RSRP1: variants seen among roughly 807,000 people sequenced by gnomAD.
RSRP1 encodes arginine/serine-rich protein 1.
RSRP1 carries 37 observed loss-of-function variants against 33.0 expected under a neutral mutation model. The observed-to-expected ratio is 1.12, with a 90% confidence interval of 0.86 to 1.48. The LOEUF is 1.48. Among genes scored for constraint, RSRP1 ranks in the 40% most tolerant of loss-of-function variants. RSRP1 has a pLI of 0.00. For synonymous variants in RSRP1, 167 were observed against 158.7 expected (o/e 1.05, Z -0.40); for missense variants, 402 against 385.3 (o/e 1.04, Z -0.36).
In RSRP1 at chr1:25,311,511, C is replaced by G. The variant is rs547012124; in HGVS notation, c.-67+26467G>C. On this transcript the variant is annotated intron_variant, in intron 1 of 1. Coordinates refer to the RSRP1 transcript ENST00000561867. ...CTGCACTCCAGCCTGGGCGACAGAG[C>G]AAAACTCCGTCTCAAAAAGAAAAAA... Among the ~76,000 whole-genome samples the G allele has an allele frequency of 3.3e-4, 42 of 127,064 alleles. 9 individuals carry two copies. Among genetic ancestry groups the G allele is most frequent in the Non-Finnish European group, 2.4e-4 (13 of 53,792 alleles). The allele number at this position is 127,064 out of a possible 152,430, so 83.4% of individuals were successfully genotyped here. A position where few individuals can be genotyped will look rare whatever the true frequency, so the allele number is the denominator to read the frequency against.
At chr1:25,261,400 TTCTTTC>T (rs1640142067) in intron 1 of RSRP1, among the ~76,000 whole-genome samples, 3 of 151,362 alleles carry the variant, frequency 2.0e-5, no homozygotes, top group South Asian at 4.2e-4. Context: ...AAAATGTGAT[TTCTTTC>T]TTTTTTTTTT....
intron 1 of RSRP1, chr1:25,253,534 T>C (rs554650225): frequency 6.6e-6 from 1 of 152,276 alleles, no homozygotes; most frequent in South Asian, 2.1e-4. Context: ...GCTAATTTTG[T>C]ATTTTTAGTA....
In RSRP1 at chr1:25,312,920, T is replaced by TA. The variant is rs58027687; in HGVS notation, c.-67+25057dup. On this transcript the variant is annotated intron_variant, in intron 1 of 1. Coordinates refer to the RSRP1 transcript ENST00000561867. ...GGATGATAGAGCAAAATCCCATCTC[T>TA]AAAAAAAAAAAAAAAAAAAAAAAAA... 3.6e-3 allele frequency among the ~76,000 whole-genome samples: 25 copies of TA among 6,856 alleles called. 7 individuals carry two copies. Among genetic ancestry groups the TA allele is most frequent in the South Asian group, 5.4e-3 (1 of 184 alleles). The allele number at this position is 6,856 out of a possible 152,430, so 4.5% of individuals were successfully genotyped here.
chr1:25,242,994 G>A (rs1372325608), intron 4 of RSRP1, among the ~76,000 whole-genome samples: 15 of 152,122 alleles, frequency 9.9e-5, no homozygotes. Context: ...GGAGGCTGAG[G>A]CAGGAGAATC....
At chr1:25,289,044 C>T (rs1367481970) in intron 1 of RSRP1, among the ~76,000 whole-genome samples, 1 of 133,666 alleles carries the variant, frequency 7.5e-6, no homozygotes, top group African/African-American at 2.6e-5. Flanking sequence ...GACTTCAGAG[C>T]ACAGGCTTTG....
At chr1:25,287,880 GCCCT>G (rs1387762555) in intron 1 of RSRP1, among the ~76,000 whole-genome samples, 3 of 126,238 alleles carry the variant, frequency 2.4e-5, no homozygotes, top group African/African-American at 7.9e-5. Flanking sequence ...CTGCTACCAT[GCCCT>G]GCTAATTTTT....
intron 1 of RSRP1, among the ~76,000 whole-genome samples, chr1:25,310,211 A>G (rs1252925130): frequency 7.5e-6 from 1 of 133,090 alleles, no homozygotes; most frequent in African/African-American, 2.5e-5. Context: ...CCCAAATTTC[A>G]TGTGCTGGAA....
In RSRP1 at chr1:25,329,779, G is replaced by C. The variant is rs28744664; in HGVS notation, c.-67+8199C>G. On this transcript the variant is annotated intron_variant, in intron 1 of 1. Transcript: ENST00000561867. The stretch of plus-strand genomic sequence containing the variant: ...AGCAATTCTCCTGCCTCAGCCTCCC[G>C]AGTAGCTGGAATTACAAGTGCGCAC... The C allele has an allele frequency of 7.0e-5, 9 of 129,226 alleles. 2 individuals are homozygous for C. The highest frequency in any genetic ancestry group is 1.6e-4 in the African/African-American group (6 of 37,786). 8.0% of individuals were successfully genotyped at this position (129,226 alleles called of 1,614,324 possible).
chr1:25,296,945 G>A (rs2124661797), intron 1 of RSRP1, among the ~76,000 whole-genome samples: 1 of 130,878 alleles, frequency 7.6e-6, no homozygotes, highest in East Asian at 2.0e-4. Context: ...CCTAAAACAA[G>A]GGGACATTCT....
chr1:25,245,129 C>T (rs780226368), intron 3 of RSRP1, 21 bp downstream of exon 3: 19 of 1,614,068 alleles, frequency 1.2e-5, no homozygotes, highest in Admixed American at 1.7e-5. Flanking sequence ...AGTTTTGTTC[C>T]GACAAACCTA....
intron 1 of RSRP1, among the ~76,000 whole-genome samples, chr1:25,291,142 G>GGATAGATAGATAGATAGATAGATAGATA (rs1557529488): frequency 4.0e-5 from 5 of 125,562 alleles, no homozygotes; most frequent in Admixed American, 1.5e-4. Flanking sequence ...ATAGGTAGGT[G>GGATAGATAGATAGATAGATAGATAGATA]GATAGACAGA....
rs528496290 is a variant in RSRP1, at chr1:25,245,239, T to C, written c.583A>G (p.Ile195Val). The C allele has an allele frequency of 2.7e-5, 44 of 1,614,124 alleles. No individual in the cohort carries two copies. The South Asian group carries it at 3.2e-4, about 12-fold the overall frequency. The change falls in exon 3 of 5, where the codon ATT becomes GTT. Residue 195 changes from isoleucine to valine, a missense_variant. Coordinates refer to ENST00000243189, the MANE Select transcript of RSRP1 (RefSeq NM_020317.5). ...GTTCTGAGACTAGCTGGCAAGTCAA[T>C]GTTGGTTGTTCCTAGAGCTTTCGCT... ...NAAKALGTTNIDLPASLRTVP... is the reference protein window; with the variant it reads ...NAAKALGTTNVDLPASLRTVP...
rs1161748447 is a variant in RSRP1 at position 25,306,493 on chromosome 1, C to A, written c.-67+31485G>T. On this transcript the variant is annotated intron_variant, in intron 1 of 1. Coordinates refer to the RSRP1 transcript ENST00000561867. ...GCTTCTTTGAGGTGAGCCTTAGTGC[C>A]CATCCCCCTTTGGTGGCCCCGGATA... The A allele has an allele frequency of 4.6e-6, 5 of 1,095,876 alleles. 1 individual carries two copies. The highest frequency in any genetic ancestry group is 4.6e-5 in the African/African-American group (3 of 65,848). 67.9% of individuals were successfully genotyped at this position (1,095,876 alleles called of 1,614,324 possible).
chr1:25,266,247 G>C (rs1640307762), intron 1 of RSRP1: 1 of 131,396 alleles, frequency 7.6e-6, no homozygotes, highest in African/African-American at 2.6e-5. Context: ...ATAAATATTT[G>C]ACAATCATGT....
In RSRP1 at chr1:25,311,155, CAGAT is replaced by C. The variant is rs1440749005; in HGVS notation, c.-67+26819_-67+26822del. On this transcript the variant is annotated intron_variant, in intron 1 of 1. Coordinates refer to the RSRP1 transcript ENST00000561867. ...GGTAAAGGCCATTCTGATGAGGTCTCAGATAGAACTGAAGAACCACGTGTTGGAA... is the reference window on the plus strand; with the variant it reads ...GGTAAAGGCCATTCTGATGAGGTCTCAGAACTGAAGAACCACGTGTTGGAA... Among the ~76,000 whole-genome samples the C allele has an allele frequency of 9.1e-5, 12 of 131,788 alleles. No homozygotes were observed. In the East Asian group the frequency reaches 2.3e-3, roughly 26 times the overall value. 86.5% of individuals were successfully genotyped at this position (131,788 alleles called of 152,430 possible).
In RSRP1 at chr1:25,316,058, A is replaced by T. The variant is rs28453868; in HGVS notation, c.-67+21920T>A. 1.5e-5 allele frequency among the ~76,000 whole-genome samples: 2 copies of T among 129,564 alleles called. 1 individual carries two copies. The highest frequency in any genetic ancestry group is 3.6e-5 in the Non-Finnish European group (2 of 55,084). The allele number at this position is 129,564 out of a possible 152,430, so 85.0% of individuals were successfully genotyped here. The stretch of plus-strand genomic sequence containing the variant: ...GAAAGGCTTAAAAAACTGGCTTGTT[A>T]TGTACAACTATCCGTGGGGCTGCAG... On this transcript the variant is annotated intron_variant, in intron 1 of 1. Coordinates refer to the RSRP1 transcript ENST00000561867.
At position 25,301,022 on chromosome 1, in the gene RSRP1, C is replaced by G. The variant is rs1478712390; in HGVS notation, c.-67+36956G>C. Reference sequence around the variant, plus strand: ...GGGCTGTCTGTGGCCTGGTGCCTGCCAAAGCCTCTACCCGAGGGAACGGAG... The same window carrying G: ...GGGCTGTCTGTGGCCTGGTGCCTGCGAAAGCCTCTACCCGAGGGAACGGAG... On this transcript the variant is annotated intron_variant, in intron 1 of 1. Transcript: ENST00000561867. 4 of 1,377,258 alleles carry G rather than the reference C, an allele frequency of 2.9e-6. 2 individuals are homozygous for G. The highest frequency in any genetic ancestry group is 4.1e-6 in the Non-Finnish European group (4 of 978,784). The allele number at this position is 1,377,258 out of a possible 1,614,324, so 85.3% of individuals were successfully genotyped here. A position where few individuals can be genotyped will look rare whatever the true frequency, so the allele number is the denominator to read the frequency against.
chr1:25,303,755 G>A lies in RSRP1; in HGVS notation c.-67+34223C>T, dbSNP rs1186342491. Among the ~76,000 whole-genome samples the A allele has an allele frequency of 2.9e-4, 38 of 131,308 alleles. 4 individuals are homozygous for A. Among genetic ancestry groups the A allele is most frequent in the African/African-American group, 9.2e-4 (35 of 37,968 alleles). 86.1% of individuals were successfully genotyped at this position (131,308 alleles called of 152,430 possible). On this transcript the variant is annotated intron_variant, in intron 1 of 1. Transcript: ENST00000561867. The stretch of plus-strand genomic sequence containing the variant: ...GGACTGGAGTGTTGTGGGGAGCCCC[G>A]AAGCCCCTGTTTTACTTCTTTCTTT...
intron 2 of RSRP1, among the ~76,000 whole-genome samples, chr1:25,246,217 GA>G (rs1018754219): frequency 2.1e-4 from 32 of 152,148 alleles, no homozygotes; most frequent in African/African-American, 5.5e-4. Flanking sequence ...CAGCCAATAG[GA>G]AAAAAAGTTC....
Sources: allele counts gnomAD v4.1 joint callset (sites outside exome capture counted in the v4.1 genomes callset), GRCh38; gene constraint gnomAD v4.1.1; transcripts MANE v1.5; gene names NCBI Gene and HGNC (gene_info 2026-07-23, HGNC 2026-07-21).